PALM2AKAP2: variants seen among roughly 807,000 people sequenced by gnomAD.
The protein encoded by PALM2AKAP2 is PALM2 and AKAP2 fusion.
In PALM2AKAP2, 37 loss-of-function variants were observed where a neutral mutation model predicts 71.5. That is an observed-to-expected ratio of 0.52 (90% confidence interval 0.40 to 0.68). PALM2AKAP2 has a LOEUF of 0.68. PALM2AKAP2 is among the 30% of genes least tolerant of loss of function. PALM2AKAP2 has a pLI of 0.00. For missense variants in PALM2AKAP2, 1,224 were observed against 1,191.8 expected (o/e 1.03, Z -0.40); for synonymous variants, 468 against 478.8 (o/e 0.98, Z 0.29).
intron 6 of PALM2AKAP2, among the ~76,000 whole-genome samples, chr9:109,933,576 A>G (rs1013980903): frequency 2.0e-5 from 3 of 152,268 alleles, no homozygotes; most frequent in African/African-American, 4.8e-5. Flanking sequence ...AGAGTAACAC[A>G]TGAATGTGAT....
rs1356594510 is a variant in PALM2AKAP2 at position 110,016,042 on chromosome 9, A to G, written c.582+3A>G. 8.7e-6 allele frequency: 14 copies of G among 1,612,728 alleles called. No individual in the cohort carries two copies. The highest frequency in any genetic ancestry group is 1.3e-5 in the African/African-American group (1 of 74,904). On this transcript the variant is annotated splice_donor_region_variant and intron_variant, in intron 7 of 9. Coordinates refer to the PALM2AKAP2 transcript ENST00000302798. Reference sequence around the variant, plus strand: ...CCGGCCCAGACATGACTATCAAGGTAAGGGATTCTCTTCAGGTTGATTCTC... The same window carrying G: ...CCGGCCCAGACATGACTATCAAGGTGAGGGATTCTCTTCAGGTTGATTCTC...
intron 2 of PALM2AKAP2, among the ~76,000 whole-genome samples, chr9:110,145,231 C>A (rs1438991254): frequency 6.6e-6 from 1 of 152,146 alleles, no homozygotes; most frequent in Non-Finnish European, 1.5e-5. Flanking sequence ...CAGGATGATT[C>A]CTTTCTGCTT....
chr9:110,011,014 A>AAAAATAT (rs35212981), intron 6 of PALM2AKAP2, among the ~76,000 whole-genome samples: 57 of 69,560 alleles, frequency 8.2e-4, no homozygotes, highest in East Asian at 2.1e-3. Flanking sequence ...AAAAAAAAAA[A>AAAAATAT]ATATATATAT....
intron 1 of PALM2AKAP2, among the ~76,000 whole-genome samples, chr9:109,672,330 C>G (rs2118493596): frequency 6.6e-6 from 1 of 152,168 alleles, no homozygotes; most frequent in African/African-American, 2.4e-5. Context: ...TGAATTTTAT[C>G]AAAAGCCTTT....
At chr9:109,645,545 T>C (rs2132227922) in intron 1 of PALM2AKAP2, among the ~76,000 whole-genome samples, 1 of 145,816 alleles carries the variant, frequency 6.9e-6, no homozygotes, top group South Asian at 2.3e-4. Flanking sequence ...GCTTCTTAGT[T>C]TAAGAAAAAA....
At position 109,768,442 on chromosome 9, in the gene PALM2AKAP2, A is replaced by G. The variant is rs553997069; in HGVS notation, c.6-12046A>G. Reference sequence around the variant, plus strand: ...TGATATTTTGTTACATGCATAAAATATGTAATGATTAAGTTAGGGTATGTG... The same window carrying G: ...TGATATTTTGTTACATGCATAAAATGTGTAATGATTAAGTTAGGGTATGTG... On this transcript the variant is annotated intron_variant, in intron 1 of 6. Coordinates refer to the PALM2AKAP2 transcript ENST00000374531. Among the ~76,000 whole-genome samples, 139 of 152,320 alleles carry G rather than the reference A, an allele frequency of 9.1e-4. 1 individual carries two copies. Among genetic ancestry groups the G allele is most frequent in the African/African-American group, 3.2e-3 (134 of 41,574 alleles).
intron 1 of PALM2AKAP2, among the ~76,000 whole-genome samples, chr9:109,772,478 C>A (rs1352931611): frequency 6.6e-6 from 1 of 152,244 alleles, no homozygotes; most frequent in Non-Finnish European, 1.5e-5. Flanking sequence ...TTGGCACACA[C>A]ACACAACTGA....
intron 1 of PALM2AKAP2, among the ~76,000 whole-genome samples, chr9:109,748,669 C>A (rs981536873): frequency 1.3e-5 from 2 of 152,150 alleles, no homozygotes; most frequent in African/African-American, 4.8e-5. Context: ...GGGAATTACA[C>A]TTTGATTTTG....
Position 110,138,474 on chromosome 9 carries a change from C to T in PALM2AKAP2, c.2504C>T (p.Thr835Met), listed in dbSNP as rs373087862. 74 of 1,614,042 alleles carry T rather than the reference C, an allele frequency of 4.6e-5. No homozygotes were observed. Among genetic ancestry groups the T allele is most frequent in the Admixed American group, 5.0e-5 (3 of 60,008 alleles). Reference sequence around the variant, plus strand: ...AGGCAGAGACAAGTCTTGCAGAGTACGCAGAGCCCCAGGACAAAGAATGCC... The same window carrying T: ...AGGCAGAGACAAGTCTTGCAGAGTATGCAGAGCCCCAGGACAAAGAATGCC... Residue 835 changes from threonine (T) to methionine (M), a missense_variant, in exon 2 of 4, where the codon ACG (threonine) becomes ATG (methionine). Transcript: ENST00000374525.
At chr9:109,788,341 G>A (rs947639863) in intron 1 of PALM2AKAP2, among the ~76,000 whole-genome samples, 3 of 152,196 alleles carry the variant, frequency 2.0e-5, no homozygotes, top group African/African-American at 7.2e-5. Context: ...GACATTGTAG[G>A]GAGATTCTGC....
At chr9:109,936,764 A>C (rs944882751) in intron 6 of PALM2AKAP2, among the ~76,000 whole-genome samples, 7 of 152,202 alleles carry the variant, frequency 4.6e-5, no homozygotes, top group African/African-American at 1.2e-4. Context: ...TGAAGCCCCA[A>C]AATGGGGTGT....
At chr9:109,775,206 C>T (rs758528829), upstream of PALM2AKAP2, among the ~76,000 whole-genome samples, 13 of 152,242 alleles carry the variant, frequency 8.5e-5, no homozygotes, top group Non-Finnish European at 1.8e-4. Context: ...TGTTGATCAA[C>T]TGACATTGCC....
At chr9:109,998,226 A>G (rs1832610866) in intron 6 of PALM2AKAP2, among the ~76,000 whole-genome samples, 1 of 152,230 alleles carries the variant, frequency 6.6e-6, no homozygotes, top group South Asian at 2.1e-4. Flanking sequence ...TAGGAAAAGC[A>G]GAGGCATTCT....
rs566157088 is a variant in PALM2AKAP2 at position 109,648,084 on chromosome 9, C to A, written c.5+7218C>A. Among the ~76,000 whole-genome samples, 23 of 152,304 alleles carry A rather than the reference C, an allele frequency of 1.5e-4. No homozygotes were observed. The East Asian group carries it at 4.4e-3, about 29-fold the overall frequency. ...TCTCATGATAGTGAGTGAATTCTCA[C>A]AAGATCTGATAGTTTAAAAGTGGCA... is the stretch of plus-strand genomic sequence containing the variant. On this transcript the variant is annotated intron_variant, in intron 1 of 6. Transcript: ENST00000374531.
chr9:109,754,219 C>G (rs1828925354), intron 1 of PALM2AKAP2, among the ~76,000 whole-genome samples: 1 of 152,074 alleles, frequency 6.6e-6, no homozygotes, highest in Non-Finnish European at 1.5e-5. Context: ...AAATCAAGAC[C>G]AGTTAAGCTA....
intron 1 of PALM2AKAP2, among the ~76,000 whole-genome samples, chr9:110,120,159 A>G (rs1428875776): frequency 6.6e-6 from 1 of 152,208 alleles, no homozygotes; most frequent in Non-Finnish European, 1.5e-5. Context: ...TACTTAGACT[A>G]CACATTTTCA....
chr9:109,642,439 AG>A (rs1325807803), intron 1 of PALM2AKAP2, among the ~76,000 whole-genome samples: 1 of 148,594 alleles, frequency 6.7e-6, no homozygotes, highest in Admixed American at 6.7e-5. Context: ...TATTATTATT[AG>A]GTTGGTGCAA....
At chr9:109,713,560 G>A (rs185551608) in intron 1 of PALM2AKAP2, among the ~76,000 whole-genome samples, 1 of 152,200 alleles carries the variant, frequency 6.6e-6, no homozygotes, top group African/African-American at 2.4e-5. Flanking sequence ...GGCAAATCAA[G>A]TACAACAAAA....
intron 3 of PALM2AKAP2, among the ~76,000 whole-genome samples, chr9:109,921,052 C>T (rs571784234): frequency 2.0e-5 from 3 of 152,270 alleles, no homozygotes; most frequent in East Asian, 1.9e-4. Flanking sequence ...AGTTTTACAT[C>T]TTTATGTTCG....
Sources: gnomAD v4.1 joint callset for allele counts (sites outside exome capture counted in the v4.1 genomes callset) on GRCh38, gnomAD v4.1.1 for gene constraint, MANE v1.5 for transcripts, NCBI Gene and HGNC (gene_info 2026-07-23, HGNC 2026-07-21) for gene names.